ELFN1: variants seen among roughly 807,000 people sequenced by gnomAD.
ELFN1 encodes the protein protein ELFN1.
Under a neutral mutation model 7.6 loss-of-function variants are expected in ELFN1, and 6 were observed. The observed-to-expected ratio is 0.79, with a 90% CI of 0.43 to 1.56. ELFN1 has a LOEUF of 1.56. Among genes scored for constraint, ELFN1 ranks in the 40% most tolerant of loss-of-function variants. ELFN1 has a pLI of 0.01. For missense variants in ELFN1, 1,169 were observed against 1,232.2 expected (o/e 0.95, Z 0.77); for synonymous variants, 657 against 588.1 (o/e 1.12, Z -1.70).
chr7:1,669,862 TCCCCCCACCCAC>T (rs1241900981), upstream of ELFN1, among the ~76,000 whole-genome samples: 21 of 124,382 alleles, frequency 1.7e-4, no homozygotes, highest in East Asian at 1.7e-3. Context: ...TCGCCCCCAC[TCCCCCCACCCAC>T]CCACCCACCC....
Position 1,745,298 on chromosome 7 carries a change from G to T in ELFN1, c.702G>T (p.Gln234His). ...PVYSGYYLLG[Q>H]GRRGHRSILS... The stretch of plus-strand genomic sequence containing the variant: ...ACTCCGGCTACTACCTCCTGGGCCA[G>T]GGCCGCCGCGGCCACCGCAGCATCC... Residue 234 changes from glutamine to histidine, a missense_variant, in exon 4 of 4, where the codon CAG (glutamine) becomes CAT (histidine). By Grantham distance (24) the Gln-to-His change is conservative. Coordinates refer to ENST00000424383, the MANE Select transcript of ELFN1 (RefSeq NM_001128636.4). The T allele has an allele frequency of 6.5e-7, 1 of 1,538,574 alleles. No individual in the cohort carries two copies.
intron 1 of ELFN1, among the ~76,000 whole-genome samples, chr7:1,677,027 G>C (rs537128414): frequency 6.6e-6 from 1 of 152,332 alleles, no homozygotes; most frequent in Admixed American, 6.5e-5. Context: ...ACTGGGTGCC[G>C]ACGCTGGCAG....
At position 1,695,300 on chromosome 7, in the gene ELFN1, GTCC is replaced by G. The variant is rs1018799702; in HGVS notation, c.-456+7160_-456+7162del. On this transcript the variant is annotated intron_variant, in intron 2 of 3. Transcript: ENST00000424383. This position sits in a 1 kb window ranked among gnomAD's most constrained non-coding sequence, Gnocchi z 5.1. ...CCCAGCCCTTCCCAGCACCAGCTGC[GTCC>G]TCCTCCTCCAGGGCTGCAGCTCAGG... Among the ~76,000 whole-genome samples, 2 of 152,164 alleles carry G rather than the reference GTCC, an allele frequency of 1.3e-5. No homozygotes were observed. Among genetic ancestry groups the G allele is most frequent in the African/African-American group, 2.4e-5 (1 of 41,414 alleles).
intron 1 of ELFN1, among the ~76,000 whole-genome samples, chr7:1,672,711 C>T (rs994127953): frequency 5.9e-5 from 9 of 151,952 alleles, no homozygotes; most frequent in Non-Finnish European, 1.2e-4. Context: ...GAGGTCAGAG[C>T]CCCCACCCCA....
intron 3 of ELFN1, among the ~76,000 whole-genome samples, chr7:1,714,791 G>A (rs1312560825): frequency 3.3e-5 from 5 of 152,178 alleles, no homozygotes; most frequent in Middle Eastern, 3.2e-3. Flanking sequence ...TGTCAGCTAG[G>A]GACTGAATTT....
At chr7:1,688,229 A>G (rs1779094619) in intron 2 of ELFN1, 79 bp downstream of exon 2, 1 of 151,956 alleles carries the variant, frequency 6.6e-6, no homozygotes, top group Admixed American at 6.6e-5. Context: ...TTATATATCT[A>G]GTAATTCTTA....
chr7:1,725,066 T>A (rs1201955909), intron 3 of ELFN1, among the ~76,000 whole-genome samples: 2 of 151,938 alleles, frequency 1.3e-5, no homozygotes, highest in Non-Finnish European at 2.9e-5. Context: ...CCCCAGAGGG[T>A]GGTTCTGTCC....
rs568148519 is a variant in ELFN1 at position 1,705,344 on chromosome 7, T to C, written c.-455-3747T>C. 8.0e-4 allele frequency among the ~76,000 whole-genome samples: 122 copies of C among 152,338 alleles called. 1 individual carries two copies. Among genetic ancestry groups the C allele is most frequent in the African/African-American group, 2.8e-3 (116 of 41,578 alleles). On this transcript the variant is annotated intron_variant, in intron 2 of 3. Coordinates refer to ENST00000424383, the MANE Select transcript of ELFN1 (RefSeq NM_001128636.4). The surrounding 1 kb of genome is among the most constrained non-coding windows in gnomAD (Gnocchi z 4.3). ...GTTATTTGTTTTGCTGATATAAGTG[T>C]TTGAAATGCAAATGTCAAGTTTGGG...
upstream of ELFN1, among the ~76,000 whole-genome samples, chr7:1,669,870 CCCACCCACCCACCCCCT>C (rs1454775951): frequency 2.2e-5 from 3 of 139,226 alleles, no homozygotes; most frequent in Non-Finnish European, 4.7e-5. Flanking sequence ...ACTCCCCCCA[CCCACCCACCCACCCCCT>C]CCACCTTTTA....
intron 3 of ELFN1, among the ~76,000 whole-genome samples, chr7:1,731,108 G>A (rs147669403): frequency 2.6e-5 from 4 of 152,126 alleles, no homozygotes; most frequent in Non-Finnish European, 4.4e-5. Context: ...GGAATGAATC[G>A]ACAAGAGAAA....
chr7:1,721,652 A>T (rs1406059701), intron 3 of ELFN1, among the ~76,000 whole-genome samples: 2 of 152,178 alleles, frequency 1.3e-5, no homozygotes, highest in African/African-American at 4.8e-5. Context: ...CACTCAGTCC[A>T]TCGGGTGTTT....
chr7:1,744,911 G>C lies in ELFN1; in HGVS notation c.315G>C (p.Ser105=), dbSNP rs77210571. ...EIGYIEDGAF[S]GQFNLQVLQL... Reference sequence around the variant, plus strand: ...GCTACATCGAGGACGGCGCCTTCTCGGGCCAGTTCAACCTGCAGGTGCTGC... The same window carrying C: ...GCTACATCGAGGACGGCGCCTTCTCCGGCCAGTTCAACCTGCAGGTGCTGC... Residue 105 remains serine (S), a synonymous_variant, in exon 4 of 4, where the codon TCG becomes TCC. Coordinates refer to ENST00000424383, the MANE Select transcript of ELFN1 (RefSeq NM_001128636.4). The C allele has an allele frequency of 6.4e-6, 10 of 1,553,748 alleles. No individual in the cohort carries two copies. The highest frequency in any genetic ancestry group is 7.8e-6 in the Non-Finnish European group (9 of 1,148,220).
At position 1,746,213 on chromosome 7, in the gene ELFN1, T is replaced by C. The variant is rs1386840304; in HGVS notation, c.1617T>C (p.Cys539=). 6.4e-7 allele frequency: 1 copy of C among 1,555,812 alleles called. No homozygotes were observed. The highest frequency in any genetic ancestry group is 1.9e-5 in the Admixed American group (1 of 51,606). The change falls in exon 4 of 4, where the codon TGT becomes TGC. Residue 539 remains cysteine (C), a synonymous_variant. Coordinates refer to ENST00000424383, the MANE Select transcript of ELFN1 (RefSeq NM_001128636.4). ...RTGDPPERRD[C]ELGRPGPDSQ... ...GGGACCCTCCGGAACGCAGGGACTG[T>C]GAGCTGGGCCGGCCGGGCCCCGACA...
intron 3 of ELFN1, among the ~76,000 whole-genome samples, chr7:1,727,015 C>T (rs1381754457): frequency 6.6e-6 from 1 of 152,134 alleles, no homozygotes; most frequent in Non-Finnish European, 1.5e-5. Flanking sequence ...GCAACAGGAT[C>T]GGTGTCCAGC....
At chr7:1,683,466 G>T (rs1251576572) in intron 1 of ELFN1, among the ~76,000 whole-genome samples, 2 of 152,170 alleles carry the variant, frequency 1.3e-5, no homozygotes, top group Non-Finnish European at 2.9e-5. Context: ...TTGGTGTAAA[G>T]TTGTTCATAA....
At chr7:1,701,210 G>C (rs1779422032) in intron 2 of ELFN1, among the ~76,000 whole-genome samples, 1 of 152,126 alleles carries the variant, frequency 6.6e-6, no homozygotes, top group Non-Finnish European at 1.5e-5. Context: ...TTTAGAGACA[G>C]AGTCTTGATC....
intron 3 of ELFN1, among the ~76,000 whole-genome samples, chr7:1,709,456 G>A (rs1779604442): frequency 6.6e-6 from 1 of 152,248 alleles, no homozygotes. Flanking sequence ...AGAGGCCGCA[G>A]GGGTGGCCTC....
intron 3 of ELFN1, among the ~76,000 whole-genome samples, chr7:1,726,468 C>A (rs999523665): frequency 6.6e-6 from 1 of 152,260 alleles, no homozygotes; most frequent in Non-Finnish European, 1.5e-5. Flanking sequence ...CGCCAAGTCC[C>A]TCCCCAAGGC....
intron 3 of ELFN1, among the ~76,000 whole-genome samples, chr7:1,713,774 G>A (rs544349149): frequency 1.3e-5 from 2 of 152,322 alleles, no homozygotes; most frequent in African/African-American, 4.8e-5. Flanking sequence ...GTCCTTGCCA[G>A]CAGAGGTGCT....
Sources: allele counts gnomAD v4.1 joint callset (sites outside exome capture counted in the v4.1 genomes callset), GRCh38; gene constraint gnomAD v4.1.1; non-coding constraint Gnocchi (gnomAD v3.1); transcripts MANE v1.5; gene names NCBI Gene and HGNC (gene_info 2026-07-23, HGNC 2026-07-21).